Variants in SARM1 observed in about 807,000 individuals in gnomAD.
SARM1 encodes NAD(+) hydrolase SARM1.
In SARM1, 60 loss-of-function variants were observed where a neutral mutation model predicts 65.1. That is an observed-to-expected ratio of 0.92 (90% CI 0.75 to 1.14). The LOEUF is 1.14. SARM1 is among the 50% of genes most tolerant of loss of function. SARM1 has a pLI of 0.00. For missense variants in SARM1, 913 were observed against 1,015.7 expected, an observed-to-expected ratio of 0.90 and a Z score of 1.37; for synonymous variants, 417 against 465.4, an observed-to-expected ratio of 0.90 and a Z score of 1.34.
At chr17:28,378,398 T>G (rs781146208) in intron 1 of SARM1, among the ~76,000 whole-genome samples, 12 of 152,212 alleles carry the variant, frequency 7.9e-5, no homozygotes, top group Non-Finnish European at 1.8e-4. Flanking sequence ...CAATCTCTCC[T>G]TCTCCTCCTG....
At chr17:28,387,321 C>T (rs1555586164) in intron 5 of SARM1, among the ~76,000 whole-genome samples, 1 of 151,800 alleles carries the variant, frequency 6.6e-6, no homozygotes, top group Non-Finnish European at 1.5e-5. Flanking sequence ...CAACCTCTGC[C>T]TCCTGGGTTC....
Position 28,402,183 on chromosome 17 carries a change from G to T in SARM1, c.*5897G>T. The stretch of plus-strand genomic sequence containing the variant: ...CCCAGCCATGGCTGCCCATCAGCCC[G>T]TTTCGGGCAGCACTGGACATGAGGA... On this transcript the variant is annotated 3_prime_UTR_variant, in exon 9 of 9. Coordinates refer to ENST00000585482, the MANE Select transcript of SARM1 (RefSeq NM_015077.4). 6.7e-7 allele frequency: 1 copy of T among 1,499,162 alleles called. No individual in the cohort carries two copies. Among genetic ancestry groups the T allele is most frequent in the Non-Finnish European group, 9.1e-7 (1 of 1,095,764 alleles). The allele number at this position is 1,499,162 out of a possible 1,614,324, so 92.9% of individuals were successfully genotyped here.
At chr17:28,392,686 T>C (rs782375248) in intron 7 of SARM1, among the ~76,000 whole-genome samples, 13 of 152,182 alleles carry the variant, frequency 8.5e-5, no homozygotes, top group Non-Finnish European at 1.3e-4. Context: ...CTCTCTGGGC[T>C]TTTTTCTCTC....
rs1294464356 is a variant in SARM1 at position 28,384,714 on chromosome 17, C to T, written c.1303-125C>T. 1.7e-6 allele frequency: 2 copies of T among 1,204,122 alleles called. No homozygotes were observed. Among genetic ancestry groups the T allele is most frequent in the Non-Finnish European group, 2.4e-6 (2 of 845,932 alleles). 74.6% of individuals were successfully genotyped at this position (1,204,122 alleles called of 1,614,324 possible). ...CTGTACGCAGCCACCGTTAGGGTCACTCGGCTCTGATCTAGGTCCCATCCG... is the reference window on the plus strand; with the variant it reads ...CTGTACGCAGCCACCGTTAGGGTCATTCGGCTCTGATCTAGGTCCCATCCG... On this transcript the variant is annotated intron_variant, in intron 3 of 8. Coordinates refer to ENST00000585482, the MANE Select transcript of SARM1 (RefSeq NM_015077.4). The surrounding 1 kb of genome is among the most constrained non-coding windows in gnomAD (Gnocchi z 4.4).
rs1239555976 is a variant in SARM1 at position 28,385,800 on chromosome 17, TC to T, written c.1630+526del. Among the ~76,000 whole-genome samples, 1 of 152,192 alleles carries T rather than the reference TC, an allele frequency of 6.6e-6. No homozygotes were observed. Among genetic ancestry groups the T allele is most frequent in the Admixed American group, 6.5e-5 (1 of 15,282 alleles). ...GGTGGTTTAGAGTGAATTCTAGGCC[TC>T]TAGCCACCCTCCTTATTTACTAATT... On this transcript the variant is annotated intron_variant, in intron 5 of 8. Coordinates refer to ENST00000585482, the MANE Select transcript of SARM1 (RefSeq NM_015077.4). This position sits in a 1 kb window ranked among gnomAD's most constrained non-coding sequence, Gnocchi z 4.5.
chr17:28,399,424 C>G lies in SARM1; in HGVS notation c.*3138C>G, dbSNP rs1450540092. On this transcript the variant is annotated 3_prime_UTR_variant, in exon 9 of 9. Transcript: ENST00000585482. ...CTCCTGTCCCAAATAGCTCCTCTGC[C>G]ACCTGTCCTGCAGTGGGCCTGTGTG... 10 of 554,782 alleles carry G rather than the reference C, an allele frequency of 1.8e-5. No homozygotes were observed. In the African/African-American group the frequency reaches 1.9e-4, roughly 10 times the overall value. 34.4% of individuals were successfully genotyped at this position (554,782 alleles called of 1,614,324 possible). A position where few individuals can be genotyped will look rare whatever the true frequency, so the allele number is the denominator to read the frequency against.
At position 28,385,393 on chromosome 17, in the gene SARM1, C is replaced by T; in HGVS notation, c.1630+118C>T. 1.3e-6 allele frequency: 1 copy of T among 773,448 alleles called. No homozygotes were observed. The allele number at this position is 773,448 out of a possible 1,614,324, so 47.9% of individuals were successfully genotyped here. On this transcript the variant is annotated intron_variant, in intron 5 of 8. Coordinates refer to ENST00000585482, the MANE Select transcript of SARM1 (RefSeq NM_015077.4). This position sits in a 1 kb window ranked among gnomAD's most constrained non-coding sequence, Gnocchi z 4.5. ...TCGCCGTGGATTGATTGAGCACAAA[C>T]GTGGGTCACACTGGGCTCTGAGGAT...
At chr17:28,378,649 T>G (rs1253973208) in intron 1 of SARM1, among the ~76,000 whole-genome samples, 7 of 152,126 alleles carry the variant, frequency 4.6e-5, no homozygotes, top group African/African-American at 1.2e-4. Flanking sequence ...TTTTGTTTTT[T>G]GGGTTTTTTG....
Position 28,388,085 on chromosome 17 carries a change from C to A in SARM1, c.1631-89C>A, listed in dbSNP as rs782406190. The A allele has an allele frequency of 3.0e-4, 319 of 1,046,992 alleles. 1 individual carries two copies. Among genetic ancestry groups the A allele is most frequent in the Non-Finnish European group, 4.1e-4 (285 of 698,516 alleles). 64.9% of individuals were successfully genotyped at this position (1,046,992 alleles called of 1,614,324 possible). A position where few individuals can be genotyped will look rare whatever the true frequency, so the allele number is the denominator to read the frequency against. On this transcript the variant is annotated intron_variant, in intron 5 of 8. Transcript: ENST00000585482. Reference sequence around the variant, plus strand: ...GGCTGGGCTGAGAGGGCTTGGTGGACTGGGGACTAAGTCCACAAGGGATGA... The same window carrying A: ...GGCTGGGCTGAGAGGGCTTGGTGGAATGGGGACTAAGTCCACAAGGGATGA...
In SARM1 at chr17:28,396,017, A is replaced by G; in HGVS notation, c.2036A>G (p.Asn679Ser). 1.2e-6 allele frequency: 2 copies of G among 1,613,726 alleles called. No individual in the cohort carries two copies. The highest frequency in any genetic ancestry group is 1.3e-5 in the African/African-American group (1 of 74,966). Residue 679 changes from asparagine (N) to serine (S), a missense_variant, in exon 8 of 9, where the codon AAC (asparagine) becomes AGC (serine). Physicochemically the swap from Asn to Ser is conservative, Grantham distance 46. Around this residue, in one of 3 missense-constraint regions of SARM1, gnomAD observed 862 missense variants for 952.1 expected, o/e 0.91. Transcript: ENST00000585482. ...PEDMQAVLTF[N>S]GIKWSHEYQE... ...GACATGCAGGCTGTGCTTACTTTCA[A>G]CGGTATCAAGTGAGCCCCAGGGCCC...
chr17:28,392,714 G>A (rs1003659052), intron 7 of SARM1, among the ~76,000 whole-genome samples: 13 of 152,018 alleles, frequency 8.6e-5, no homozygotes, highest in East Asian at 3.9e-4. Flanking sequence ...AAAATGGAGC[G>A]GCTCCCCAGG....
In SARM1 at chr17:28,399,595, A is replaced by T; in HGVS notation, c.*3309A>T. On this transcript the variant is annotated 3_prime_UTR_variant, in exon 9 of 9. Coordinates refer to ENST00000585482, the MANE Select transcript of SARM1 (RefSeq NM_015077.4). Reference sequence around the variant, plus strand: ...CTGTGGGCTGGGCTTCCAGCTGCAGACCTCCAGTTGCTTGGTGTTCACTTT... The same window carrying T: ...CTGTGGGCTGGGCTTCCAGCTGCAGTCCTCCAGTTGCTTGGTGTTCACTTT... The T allele has an allele frequency of 1.3e-6, 2 of 1,566,964 alleles. No individual in the cohort carries two copies. Among genetic ancestry groups the T allele is most frequent in the Non-Finnish European group, 1.8e-6 (2 of 1,138,152 alleles).
Position 28,384,431 on chromosome 17 carries a change from G to C in SARM1, c.1164G>C (p.Ala388=). 4 of 1,613,122 alleles carry C rather than the reference G, an allele frequency of 2.5e-6. No individual in the cohort carries two copies. Among genetic ancestry groups the C allele is most frequent in the Non-Finnish European group, 3.4e-6 (4 of 1,179,478 alleles). The change falls in exon 3 of 9, where the codon GCG becomes GCC. Residue 388 remains alanine, a synonymous_variant. Transcript: ENST00000585482. The surrounding 1 kb of genome is among the most constrained non-coding windows in gnomAD (Gnocchi z 4.4). Reference sequence around the variant, plus strand: ...ACTCTACCAATGGCACTAAGTCGGCGCTGGCCAAGCGCGCGCTGCGCCTGC... The same window carrying C: ...ACTCTACCAATGGCACTAAGTCGGCCCTGGCCAAGCGCGCGCTGCGCCTGC... The part of the protein sequence containing the change: ...VSYSTNGTKS[A]LAKRALRLLG...
At chr17:28,391,727 A>AAAAAAG (rs1555586923) in intron 7 of SARM1, among the ~76,000 whole-genome samples, 2 of 117,040 alleles carry the variant, frequency 1.7e-5, no homozygotes, top group African/African-American at 3.6e-5. Flanking sequence ...AAAAAAAAAA[A>AAAAAAG]AGAGAGAGAG....
chr17:28,387,177 G>GTTCTGGTAGC (rs1315993820), intron 5 of SARM1, among the ~76,000 whole-genome samples: 1 of 151,756 alleles, frequency 6.6e-6, no homozygotes, highest in African/African-American at 2.4e-5. Flanking sequence ...TTAGAAAGAT[G>GTTCTGGTAGC]TTCTGGTAGC....
At chr17:28,393,995 A>T (rs2068094596) in intron 7 of SARM1, among the ~76,000 whole-genome samples, 1 of 152,238 alleles carries the variant, frequency 6.6e-6, no homozygotes, top group Admixed American at 6.5e-5. Context: ...ATGAATGGGC[A>T]TTATCAAGGG....
rs1555585205 is a variant in SARM1 at position 28,381,375 on chromosome 17, TGCCGCCGCACGGACCCCGCGCTGCTGC to T, written c.647_673del (p.Arg216_Arg224del). The T allele has an allele frequency of 2.6e-6, 4 of 1,567,452 alleles. No individual in the cohort carries two copies. The highest frequency in any genetic ancestry group is 2.6e-6 in the Non-Finnish European group (3 of 1,156,944). On this transcript the variant is annotated inframe_deletion, in exon 2 of 9. Transcript: ENST00000585482. ...CGGCCTGGACGCGGTGCTGTATTGG[TGCCGCCGCACGGACCCCGCGCTGCTGC>T]GCCACTGCGCGCTGGCGCTGGGCAA...
At chr17:28,390,959 A>G (rs1555586779) in intron 7 of SARM1, among the ~76,000 whole-genome samples, 1 of 152,224 alleles carries the variant, frequency 6.6e-6, no homozygotes, top group Admixed American at 6.5e-5. Context: ...ACTAGTGTAG[A>G]AATCAGAAAA....
In SARM1 at chr17:28,384,284, G is replaced by A; in HGVS notation, c.1090-73G>A. 2.4e-6 allele frequency: 3 copies of A among 1,266,424 alleles called. No homozygotes were observed. Among genetic ancestry groups the A allele is most frequent in the Non-Finnish European group, 3.3e-6 (3 of 912,100 alleles). 78.4% of individuals were successfully genotyped at this position (1,266,424 alleles called of 1,614,324 possible). A position where few individuals can be genotyped will look rare whatever the true frequency, so the allele number is the denominator to read the frequency against. On this transcript the variant is annotated intron_variant, in intron 2 of 8. Coordinates refer to ENST00000585482, the MANE Select transcript of SARM1 (RefSeq NM_015077.4). The surrounding 1 kb of genome is among the most constrained non-coding windows in gnomAD (Gnocchi z 4.4). ...TTTGGGTTGTGAGAAGAGACAAGGA[G>A]AGGGACTGGGCACGTGTGGGAGCAC... is the stretch of plus-strand genomic sequence containing the variant.
Sources: gnomAD v4.1 joint callset for allele counts (sites outside exome capture counted in the v4.1 genomes callset) on GRCh38, gnomAD v4.1.1 for gene constraint, gnomAD v4.1.1 regional missense constraint, Gnocchi (gnomAD v3.1) non-coding constraint, MANE v1.5 for transcripts, NCBI Gene and HGNC (gene_info 2026-07-23, HGNC 2026-07-21) for gene names.